Variants in CCDC141 observed in about 807,000 individuals in gnomAD.
CCDC141 encodes coiled-coil domain-containing protein 141.
CCDC141 carries 168 observed loss-of-function variants against 181.0 expected under a neutral mutation model. That is an observed-to-expected ratio of 0.93 (90% CI 0.82 to 1.05). The LOEUF (loss-of-function observed/expected upper bound fraction) is 1.05, where lower values mean the gene tolerates loss of function less well. CCDC141 is among the 50% of genes least tolerant of loss of function. The probability of loss-of-function intolerance (pLI) is 0.00; values close to 1 mark genes in which losing one functional copy is unlikely to be tolerated. For missense variants in CCDC141, 1,902 were observed against 1,788.5 expected, an observed-to-expected ratio of 1.06 and a Z score of -1.14; for synonymous variants, 666 against 642.3, an observed-to-expected ratio of 1.04 and a Z score of -0.56.
At chr2:179,024,639 C>T (rs560553058) in intron 2 of CCDC141, among the ~76,000 whole-genome samples, 1 of 152,318 alleles carries the variant, frequency 6.6e-6, no homozygotes, top group South Asian at 2.1e-4. Context: ...TTTCAGAGAG[C>T]AATGATAATT....
intron 2 of CCDC141, among the ~76,000 whole-genome samples, chr2:179,030,679 A>G (rs2042976387): frequency 6.6e-6 from 1 of 152,114 alleles, no homozygotes; most frequent in Non-Finnish European, 1.5e-5. Flanking sequence ...TAAGTAAAAT[A>G]ATTGGAATAG....
chr2:178,984,149 G>A (rs977414180), intron 2 of CCDC141, among the ~76,000 whole-genome samples: 4 of 151,912 alleles, frequency 2.6e-5, no homozygotes, highest in African/African-American at 9.7e-5. Flanking sequence ...GAAGAGAGTG[G>A]GGGCCAATAG....
chr2:178,817,577 T>C, the CCDC141 span: 1 of 471,082 alleles, frequency 2.1e-6, no homozygotes, highest in Admixed American at 2.3e-5. Flanking sequence ...AAGTGACACA[T>C]GGTCCTGATC....
chr2:178,840,319 A>G (rs1684669162), intron 22 of CCDC141, among the ~76,000 whole-genome samples: 1 of 152,236 alleles, frequency 6.6e-6, no homozygotes, highest in South Asian at 2.1e-4. Context: ...TTGGCCTTCC[A>G]GGGGCAGACA....
intron 2 of CCDC141, among the ~76,000 whole-genome samples, chr2:178,991,249 C>A (rs1273396559): frequency 6.6e-6 from 1 of 152,112 alleles, no homozygotes; most frequent in African/African-American, 2.4e-5. Flanking sequence ...TACTGAAGAC[C>A]AGCCAGTCTG....
intron 7 of CCDC141, among the ~76,000 whole-genome samples, chr2:178,914,873 G>C (rs999534312): frequency 2.0e-5 from 3 of 152,092 alleles, no homozygotes; most frequent in Non-Finnish European, 4.4e-5. Context: ...AGAATTGTTA[G>C]AGAGGGGAAT....
intron 2 of CCDC141, among the ~76,000 whole-genome samples, chr2:178,984,303 C>A (rs1691600031): frequency 6.6e-6 from 1 of 150,892 alleles, no homozygotes; most frequent in South Asian, 2.1e-4. Flanking sequence ...CCTAAAAGAG[C>A]TCCTGAAGGA....
At chr2:178,835,757 T>C (rs1684450922) in intron 23 of CCDC141, 1 of 152,338 alleles carries the variant, frequency 6.6e-6, no homozygotes, top group Non-Finnish European at 1.5e-5. Context: ...CTGACAACAT[T>C]TTTCTTTGGA....
At chr2:178,815,239 A>G in the CCDC141 span, among the ~76,000 whole-genome samples, 7 of 152,214 alleles carry the variant, frequency 4.6e-5, 1 homozygote, top group Non-Finnish European at 1.0e-4. Flanking sequence ...AAATATGATG[A>G]CAATTTGAGC....
chr2:178,905,615 A>G, intron 7 of CCDC141, 114 bp from the exon 8 acceptor site: 1 of 929,374 alleles, frequency 1.1e-6, no homozygotes, highest in Non-Finnish European at 1.5e-6. Context: ...GTTTCATTAT[A>G]ACAAAAAACA....
In CCDC141 at chr2:179,015,097, TA is replaced by T. The variant is rs1161238684; in HGVS notation, c.225+32186del. Among the ~76,000 whole-genome samples, 75 of 42,458 alleles carry T rather than the reference TA, an allele frequency of 1.8e-3. 3 individuals are homozygous for T. The highest frequency in any genetic ancestry group is 4.3e-3 in the African/African-American group (64 of 14,946). 27.9% of individuals were successfully genotyped at this position (42,458 alleles called of 152,430 possible). On this transcript the variant is annotated intron_variant, in intron 2 of 23. Coordinates refer to ENST00000443758, the MANE Select transcript of CCDC141 (RefSeq NM_173648.4). ...ATATATATATATATATATATATATATATATATAATATATATATAATCATATA... is the reference window on the plus strand; with the variant it reads ...ATATATATATATATATATATATATATTATATAATATATATATAATCATATA...
intron 22 of CCDC141, among the ~76,000 whole-genome samples, chr2:178,843,519 G>A (rs895272988): frequency 2.0e-5 from 3 of 152,148 alleles, no homozygotes; most frequent in Admixed American, 6.6e-5. Context: ...GCAGTGCTAC[G>A]TGTGTTGCAT....
chr2:178,988,982 A>G lies in CCDC141; in HGVS notation c.226-10307T>C, dbSNP rs145248488. 6.7e-3 allele frequency among the ~76,000 whole-genome samples: 1,025 copies of G among 152,326 alleles called. 5 individuals carry two copies. The highest frequency in any genetic ancestry group is 0.024 in the African/African-American group (987 of 41,586). ...GAATAAAATTGAATTATTACCTTTC[A>G]TACCATATAAAAATTAACTCAAAAT... On this transcript the variant is annotated intron_variant, in intron 2 of 23. Coordinates refer to ENST00000443758, the MANE Select transcript of CCDC141 (RefSeq NM_173648.4).
chr2:179,041,157 C>T (rs1166715754), intron 2 of CCDC141, among the ~76,000 whole-genome samples: 2 of 151,974 alleles, frequency 1.3e-5, no homozygotes, highest in Admixed American at 6.6e-5. Flanking sequence ...CTGCAAGCTC[C>T]GCCTCCTGGG....
intron 4 of CCDC141, among the ~76,000 whole-genome samples, chr2:178,966,082 G>A (rs529334064): frequency 6.6e-6 from 1 of 152,324 alleles, no homozygotes; most frequent in Non-Finnish European, 1.5e-5. Context: ...TCTTCTCTGG[G>A]CAGGGAATTT....
At chr2:178,824,615 G>A in the CCDC141 span, among the ~76,000 whole-genome samples, 15 of 54,762 alleles carry the variant, frequency 2.7e-4, no homozygotes, top group South Asian at 1.0e-3. Flanking sequence ...GTGAGACTTC[G>A]TCAAAAAAAA....
rs1170483417 is a variant in CCDC141 at position 178,830,578 on chromosome 2, G to A, written c.*3595C>T. ...TTTACTGAGTGTGACTGTGTCTTAG[G>A]TACTGGCAATACAATGACAACAGGG... On this transcript the variant is annotated 3_prime_UTR_variant, in exon 24 of 24. Coordinates refer to ENST00000443758, the MANE Select transcript of CCDC141 (RefSeq NM_173648.4). 1 of 152,162 alleles carries A rather than the reference G, an allele frequency of 6.6e-6. No individual in the cohort carries two copies. Among genetic ancestry groups the A allele is most frequent in the Non-Finnish European group, 1.5e-5 (1 of 68,042 alleles). The allele number at this position is 152,162 out of a possible 1,614,324, so 9.4% of individuals were successfully genotyped here. A position where few individuals can be genotyped will look rare whatever the true frequency, so the allele number is the denominator to read the frequency against.
chr2:179,022,707 C>G (rs1209101071), intron 2 of CCDC141, among the ~76,000 whole-genome samples: 3 of 152,158 alleles, frequency 2.0e-5, no homozygotes, highest in African/African-American at 7.2e-5. Flanking sequence ...TGTGAGTCTA[C>G]CAGGGTCATT....
intron 5 of CCDC141, among the ~76,000 whole-genome samples, chr2:178,958,613 G>T (rs1300637177): frequency 6.6e-6 from 1 of 152,114 alleles, no homozygotes; most frequent in Non-Finnish European, 1.5e-5. Flanking sequence ...ATGTATTTCT[G>T]CTTTCCAGGT....
Sources: gnomAD v4.1 joint callset for allele counts (sites outside exome capture counted in the v4.1 genomes callset) on GRCh38, gnomAD v4.1.1 for gene constraint, MANE v1.5 for transcripts, NCBI Gene and HGNC (gene_info 2026-07-23, HGNC 2026-07-21) for gene names.